Variants in LPAR6 observed in about 807,000 individuals in gnomAD.
LPAR6 encodes the protein lysophosphatidic acid receptor 6, also known as G-protein coupled purinergic receptor P2Y5.
Under a neutral mutation model 22.0 loss-of-function variants are expected in LPAR6, and 17 were observed. That is an observed-to-expected ratio of 0.77 (90% CI 0.53 to 1.16). LPAR6 has a LOEUF of 1.16. Among genes scored for constraint, LPAR6 ranks in the 50% most tolerant of loss-of-function variants. LPAR6 has a pLI of 0.00. For synonymous variants in LPAR6, 136 were observed against 139.8 expected, an observed-to-expected ratio of 0.97 and a Z score of 0.19; for missense variants, 384 against 406.9, an observed-to-expected ratio of 0.94 and a Z score of 0.48.
chr13:48,414,701 C>G (rs998029953), upstream of LPAR6, among the ~76,000 whole-genome samples: 5 of 152,266 alleles, frequency 3.3e-5, no homozygotes, highest in South Asian at 4.1e-4. Flanking sequence ...TTCTTTCACA[C>G]TCAGCAATTT....
At chr13:48,409,546 T>TAAAA (rs1948771824), downstream of LPAR6, among the ~76,000 whole-genome samples, 1 of 151,856 alleles carries the variant, frequency 6.6e-6, no homozygotes, top group Admixed American at 6.6e-5. Context: ...CATTCTTTTT[T>TAAAA]AGTTAACTTT....
chr13:48,420,756 G>T (rs1948993564), intron 2 of LPAR6, among the ~76,000 whole-genome samples: 1 of 152,052 alleles, frequency 6.6e-6, no homozygotes, highest in South Asian at 2.1e-4. Context: ...GACAAACAGA[G>T]AGCCAAATCA....
At chr13:48,422,924 T>G (rs1030922759) in intron 1 of LPAR6, 1 of 152,256 alleles carries the variant, frequency 6.6e-6, no homozygotes, top group Non-Finnish European at 1.5e-5. Context: ...GAGGATCACT[T>G]GAGACCAGGA....
At chr13:48,439,958 A>AT (rs1949220639) in intron 1 of LPAR6, 3 of 152,204 alleles carry the variant, frequency 2.0e-5, no homozygotes, top group Admixed American at 1.3e-4. Flanking sequence ...GAGATTAGAT[A>AT]GATACATGCA....
intron 2 of LPAR6, among the ~76,000 whole-genome samples, chr13:48,420,029 C>T (rs1284021697): frequency 1.3e-5 from 2 of 152,192 alleles, no homozygotes; most frequent in Non-Finnish European, 2.9e-5. Context: ...TCCTCCTTAA[C>T]TCATTTTATA....
Position 48,411,934 on chromosome 13 carries a change from C to T in LPAR6, c.490G>A (p.Ala164Thr). Residue 164 changes from alanine to threonine, a missense_variant, in exon 1 of 1, where the codon GCC becomes ACC. Transcript: ENST00000620633. ...VQSTHSQGNN[A>T]SEACFENFPE... The stretch of plus-strand genomic sequence containing the variant: ...AAATTTTCAAAGCAGGCTTCTGAGG[C>T]ATTGTTACCCTGAGAGTGGGTAGAC... The T allele has an allele frequency of 6.2e-7, 1 of 1,612,132 alleles. No homozygotes were observed. Among genetic ancestry groups the T allele is most frequent in the Non-Finnish European group, 8.5e-7 (1 of 1,178,892 alleles).
intron 1 of LPAR6, among the ~76,000 whole-genome samples, chr13:48,425,148 C>T (rs370852295): frequency 9.9e-5 from 15 of 152,204 alleles, no homozygotes; most frequent in Admixed American, 4.6e-4. Flanking sequence ...TGAGAATCTA[C>T]GAATTTAGTA....
intron 2 of LPAR6, among the ~76,000 whole-genome samples, chr13:48,418,149 C>T (rs1948945654): frequency 6.6e-6 from 1 of 152,116 alleles, no homozygotes; most frequent in Non-Finnish European, 1.5e-5. Context: ...GGGTTACCTA[C>T]AAAGGGAAGC....
In LPAR6 at chr13:48,397,010, G is replaced by A. The variant is rs576786887; in HGVS notation, n.115-7198C>T. Among the ~76,000 whole-genome samples the A allele has an allele frequency of 1.1e-4, 17 of 152,338 alleles. 1 individual carries two copies. The highest frequency in any genetic ancestry group is 3.8e-4 in the African/African-American group (16 of 41,570). The stretch of plus-strand genomic sequence containing the variant: ...TCAGGAAACAACAGATGCTGGAGAG[G>A]CTGTGGAGTAATAGGAATGGTTTTA... On this transcript the variant is annotated intron_variant and non_coding_transcript_variant, in intron 1 of 1. Coordinates refer to the LPAR6 transcript ENST00000462781.
chr13:48,402,002 C>T (rs1211673170), intron 1 of LPAR6, among the ~76,000 whole-genome samples: 2 of 151,976 alleles, frequency 1.3e-5, no homozygotes, highest in African/African-American at 4.8e-5. Context: ...TTTAAATTTA[C>T]ATATTAAGTA....
chr13:48,440,001 T>G (rs1025589199), intron 1 of LPAR6, among the ~76,000 whole-genome samples: 4 of 152,160 alleles, frequency 2.6e-5, no homozygotes, highest in African/African-American at 9.6e-5. Flanking sequence ...TATTTTTATA[T>G]GTATATGAGA....
chr13:48,409,192 A>G (rs550671989), downstream of LPAR6, among the ~76,000 whole-genome samples: 52 of 136,668 alleles, frequency 3.8e-4, 1 homozygote, highest in South Asian at 0.011. Flanking sequence ...TCTGTTGTCC[A>G]TGCTGGAGTA....
intron 1 of LPAR6, among the ~76,000 whole-genome samples, chr13:48,395,048 G>A (rs1236578833): frequency 6.6e-6 from 1 of 151,450 alleles, no homozygotes; most frequent in East Asian, 2.0e-4. Flanking sequence ...TCCAGAGGAA[G>A]GAACAGGCAG....
rs200893624 is a variant in LPAR6 at position 48,411,853 on chromosome 13, C to G, written c.571G>C (p.Val191Leu). The G allele has an allele frequency of 2.7e-5, 44 of 1,613,634 alleles. No individual in the cohort carries two copies. Among genetic ancestry groups the G allele is most frequent in the Middle Eastern group, 1.6e-4 (1 of 6,084 alleles). Residue 191 changes from valine to leucine, a missense_variant, in exon 1 of 1, where the codon GTG becomes CTG. By Grantham distance (32) the Val-to-Leu change is conservative (BLOSUM62 1). Transcript: ENST00000620633. ...LSRIVIFIEI[V>L]GFFIPLILNV... ...AAAATTAGAGGAATAAAAAATCCCACTATTTCGATGAAAATTACAATCCTT... is the reference window on the plus strand; with the variant it reads ...AAAATTAGAGGAATAAAAAATCCCAGTATTTCGATGAAAATTACAATCCTT...
chr13:48,439,865 A>G (rs1416188468), intron 1 of LPAR6: 1 of 152,194 alleles, frequency 6.6e-6, no homozygotes, highest in Non-Finnish European at 1.5e-5. Flanking sequence ...TTAAGAAAGA[A>G]TATTAAGTCA....
intron 2 of LPAR6, among the ~76,000 whole-genome samples, chr13:48,418,515 G>C (rs1161364157): frequency 6.6e-6 from 1 of 152,136 alleles, no homozygotes; most frequent in Non-Finnish European, 1.5e-5. Context: ...CATAATGACA[G>C]GATCAGATTC....
chr13:48,413,125 G>T (rs893625069), upstream of LPAR6: 11 of 167,102 alleles, frequency 6.6e-5, no homozygotes, highest in African/African-American at 2.7e-4. Context: ...AAGTGAAAAA[G>T]AAAGGCTTCC....
At chr13:48,423,829 A>T (rs1222237997) in intron 1 of LPAR6, among the ~76,000 whole-genome samples, 2 of 152,200 alleles carry the variant, frequency 1.3e-5, no homozygotes, top group African/African-American at 4.8e-5. Flanking sequence ...AGGATCACTT[A>T]AGGCCATAGG....
chr13:48,411,855 A>G lies in LPAR6; in HGVS notation c.569T>C (p.Ile190Thr), dbSNP rs765159115. The G allele has an allele frequency of 6.2e-7, 1 of 1,613,722 alleles. No homozygotes were observed. The highest frequency in any genetic ancestry group is 2.2e-5 in the East Asian group (1 of 44,838). Residue 190 changes from isoleucine to threonine, a missense_variant, in exon 1 of 1, where the codon ATA becomes ACA. By Grantham distance (89) the Ile-to-Thr change is moderately conservative. Transcript: ENST00000620633. Reference protein sequence around the residue: ...YLSRIVIFIEIVGFFIPLILN... With the variant: ...YLSRIVIFIETVGFFIPLILN... ...AATTAGAGGAATAAAAAATCCCACTATTTCGATGAAAATTACAATCCTTGA... is the reference window on the plus strand; with the variant it reads ...AATTAGAGGAATAAAAAATCCCACTGTTTCGATGAAAATTACAATCCTTGA...
Sources: allele counts gnomAD v4.1 joint callset (sites outside exome capture counted in the v4.1 genomes callset), GRCh38; gene constraint gnomAD v4.1.1; transcripts MANE v1.5; gene names NCBI Gene and HGNC (gene_info 2026-07-23, HGNC 2026-07-21).